CAPN10: variants seen among roughly 807,000 people sequenced by gnomAD.
CAPN10 encodes calpain 10.
In CAPN10, 71 loss-of-function variants were observed where a neutral mutation model predicts 78.4. The observed-to-expected ratio is 0.91, with a 90% confidence interval of 0.75 to 1.10. The LOEUF (loss-of-function observed/expected upper bound fraction) is 1.10. Among genes scored for constraint, CAPN10 ranks in the 50% least tolerant of loss-of-function variants. CAPN10 has a pLI of 0.00. For synonymous variants in CAPN10, 437 were observed against 407.2 expected, an observed-to-expected ratio of 1.07 and a Z score of -0.88; for missense variants, 849 against 924.6, an observed-to-expected ratio of 0.92 and a Z score of 1.06.
Position 240,599,063 on chromosome 2 carries a change from G to A in CAPN10, c.*383G>A. 1 of 281,058 alleles carries A rather than the reference G, an allele frequency of 3.6e-6. No individual in the cohort carries two copies. Among genetic ancestry groups the A allele is most frequent in the Non-Finnish European group, 6.8e-6 (1 of 148,058 alleles). 17.4% of individuals were successfully genotyped at this position (281,058 alleles called of 1,614,324 possible). ...CTATTTATTGTTCGAATCACTTTTAGGATGTAACTTTATAAATAAACATGA... is the reference window on the plus strand; with the variant it reads ...CTATTTATTGTTCGAATCACTTTTAAGATGTAACTTTATAAATAAACATGA... On this transcript the variant is annotated 3_prime_UTR_variant, in exon 12 of 12. Coordinates refer to ENST00000391984, the MANE Select transcript of CAPN10 (RefSeq NM_023083.4).
intron 1 of CAPN10, among the ~76,000 whole-genome samples, chr2:240,587,465 A>T (rs1013171814): frequency 6.6e-6 from 1 of 152,260 alleles, no homozygotes; most frequent in East Asian, 1.9e-4. Flanking sequence ...AAAGCGTGAT[A>T]GAATTTCAGT....
chr2:240,591,309 A>G, intron 3 of CAPN10: 1 of 356,642 alleles, frequency 2.8e-6, no homozygotes, highest in Non-Finnish European at 5.1e-6. Flanking sequence ...AGCAAGAAAG[A>G]TGCTTCTTTA....
At chr2:240,588,902 G>C (rs1193339896) in intron 1 of CAPN10, among the ~76,000 whole-genome samples, 1 of 152,138 alleles carries the variant, frequency 6.6e-6, no homozygotes, top group Non-Finnish European at 1.5e-5. Flanking sequence ...AAGCTCAGAG[G>C]GGTGGGCAAG....
chr2:240,594,531 G>C lies in CAPN10; in HGVS notation c.831-12G>C. On this transcript the variant is annotated splice_polypyrimidine_tract_variant and intron_variant, in intron 5 of 11. Transcript: ENST00000391984. ...TCGGGAGGGGCTTCTGCTGAGATGA[G>C]GTTTCTTCCAGGGGTGAAGGGTGGA... 1 of 1,609,294 alleles carries C rather than the reference G, an allele frequency of 6.2e-7. No individual in the cohort carries two copies.
At position 240,595,092 on chromosome 2, in the gene CAPN10, C is replaced by T. The variant is rs369150928; in HGVS notation, c.1066C>T (p.Arg356Trp). Residue 356 changes from arginine to tryptophan, a missense_variant, in exon 7 of 12, where the codon CGG becomes TGG. Physicochemically the swap from Arg to Trp is moderately radical, Grantham distance 101. Coordinates refer to ENST00000391984, the MANE Select transcript of CAPN10 (RefSeq NM_023083.4). The stretch of plus-strand genomic sequence containing the variant: ...CAAGGGCCAGTCAGCAGGAGGCTGC[C>T]GGAACAACAGCGGCTTTCCCAGCAA... ...WVKGQSAGGC[R>W]NNSGFPSNPK... 17 of 1,613,672 alleles carry T rather than the reference C, an allele frequency of 1.1e-5. No individual in the cohort carries two copies. The highest frequency in any genetic ancestry group is 9.3e-5 in the African/African-American group (7 of 74,930).
Position 240,587,054 on chromosome 2 carries a change from T to C in CAPN10, c.141+2T>C. The C allele has an allele frequency of 7.2e-7, 1 of 1,397,174 alleles. No homozygotes were observed. The highest frequency in any genetic ancestry group is 1.5e-5 in the South Asian group (1 of 65,392). 86.5% of individuals were successfully genotyped at this position (1,397,174 alleles called of 1,614,324 possible). A position where few individuals can be genotyped will look rare whatever the true frequency, so the allele number is the denominator to read the frequency against. ...GACATCACGTGGAGGCGGCCCCAGGTGGGGCCGTGTGGGGTGCGGTGGGCG... is the reference window on the plus strand; with the variant it reads ...GACATCACGTGGAGGCGGCCCCAGGCGGGGCCGTGTGGGGTGCGGTGGGCG... On this transcript the variant is annotated splice_donor_variant, in intron 1 of 11. Transcript: ENST00000391984. LOFTEE classifies it high-confidence loss of function.
chr2:240,597,292 C>T (rs773217621), intron 9 of CAPN10, among the ~76,000 whole-genome samples: 3 of 152,298 alleles, frequency 2.0e-5, no homozygotes, highest in East Asian at 1.9e-4. Context: ...GGCTTGGGAA[C>T]GCAGGGGGCT....
chr2:240,587,165 G>A, intron 1 of CAPN10, 113 bp downstream of exon 1: 1 of 541,470 alleles, frequency 1.8e-6, no homozygotes, highest in Non-Finnish European at 2.9e-6. Context: ...AGGGTCCGCC[G>A]TTGTTCTCCT....
intron 5 of CAPN10, 91 bp downstream of exon 5, chr2:240,594,138 T>C (rs1432349326): frequency 3.7e-6 from 5 of 1,337,944 alleles, no homozygotes; most frequent in Middle Eastern, 2.7e-4. Context: ...CTGTCAGGAC[T>C]GTACTTGGCT....
At position 240,596,459 on chromosome 2, in the gene CAPN10, C is replaced by G; in HGVS notation, c.1419C>G (p.Phe473Leu). The change falls in exon 8 of 12, where the codon TTC (phenylalanine) becomes TTG (leucine). Residue 473 changes from phenylalanine to leucine, a missense_variant. Physicochemically the swap from Phe to Leu is conservative, Grantham distance 22 (BLOSUM62 0). Coordinates refer to ENST00000391984, the MANE Select transcript of CAPN10 (RefSeq NM_023083.4). ...PGYYLAVPSTFLKDAPGEFLL... is the reference protein window; with the variant it reads ...PGYYLAVPSTLLKDAPGEFLL... Reference sequence around the variant, plus strand: ...ACTACCTGGCTGTCCCCAGCACCTTCCTGAAGGACGCGCCAGGGGAGTTCC... The same window carrying G: ...ACTACCTGGCTGTCCCCAGCACCTTGCTGAAGGACGCGCCAGGGGAGTTCC... 6.2e-7 allele frequency: 1 copy of G among 1,613,458 alleles called. No individual in the cohort carries two copies. The highest frequency in any genetic ancestry group is 8.5e-7 in the Non-Finnish European group (1 of 1,179,742).
Position 240,595,256 on chromosome 2 carries a change from G to T in CAPN10, c.1230G>T (p.Ala410=). Residue 410 remains alanine, a synonymous_variant, in exon 7 of 12, where the codon GCG becomes GCT. Coordinates refer to ENST00000391984, the MANE Select transcript of CAPN10 (RefSeq NM_023083.4). ...ACAGTCATACTTCGTGGAGCCCAGC[G>T]AGCATCCCGGGCAAGCACTACCAGG... ...VGDSHTSWSP[A]SIPGKHYQAV... 6.2e-7 allele frequency: 1 copy of T among 1,613,634 alleles called. No homozygotes were observed.
rs763690414 is a variant in CAPN10 at position 240,589,382 on chromosome 2, C to T, written c.181C>T (p.Arg61Trp). ...ACCCCGGCTGTTTCCAGATGACCCA[C>T]GGGAAGGGCAGGTGAAGCAGGGGCT... ...ATPRLFPDDP[R>W]EGQVKQGLLG... Residue 61 changes from arginine to tryptophan, a missense_variant, in exon 2 of 12, where the codon CGG (arginine) becomes TGG (tryptophan). Physicochemically the swap from Arg to Trp is moderately radical, Grantham distance 101 (BLOSUM62 -3). Coordinates refer to ENST00000391984, the MANE Select transcript of CAPN10 (RefSeq NM_023083.4). The T allele has an allele frequency of 1.2e-5, 20 of 1,614,036 alleles. No homozygotes were observed. The Admixed American group carries it at 1.5e-4, about 12-fold the overall frequency.
intron 4 of CAPN10, chr2:240,592,604 T>G (rs1575448125): frequency 2.4e-6 from 1 of 424,856 alleles, no homozygotes; most frequent in Non-Finnish European, 4.9e-6. Flanking sequence ...AGCCCAGGAG[T>G]TCAAGAGACC....
chr2:240,597,135 C>T (rs1005969638), intron 9 of CAPN10, among the ~76,000 whole-genome samples, 193 bp downstream of exon 9: 3 of 152,236 alleles, frequency 2.0e-5, no homozygotes, highest in Non-Finnish European at 4.4e-5. Flanking sequence ...CCGAAGATGG[C>T]CTCTGGAAGG....
rs201157354 is a variant in CAPN10, at chr2:240,596,862, C to T, written c.1663C>T (p.Arg555Cys). 3.7e-3 allele frequency: 6,030 copies of T among 1,613,580 alleles called. 20 individuals carry two copies. Among genetic ancestry groups the T allele is most frequent in the Non-Finnish European group, 4.4e-3 (5,158 of 1,180,008 alleles). Residue 555 changes from arginine (R) to cysteine (C), a missense_variant, in exon 9 of 12, where the codon CGC (arginine) becomes TGC (cysteine). Physicochemically the swap from Arg to Cys is radical, Grantham distance 180. Transcript: ENST00000391984. Reference sequence around the variant, plus strand: ...CTCGGTCCCCGAGGGCCCTGGCCCCCGCTGCGTCCGCATCACTCTGCATCA... The same window carrying T: ...CTCGGTCCCCGAGGGCCCTGGCCCCTGCTGCGTCCGCATCACTCTGCATCA... ...PFSVPEGPGP[R>C]CVRITLHQHC...
At chr2:240,590,598 A>G in intron 2 of CAPN10, 1 of 547,012 alleles carries the variant, frequency 1.8e-6, no homozygotes, top group Non-Finnish European at 3.3e-6. Flanking sequence ...GGTGTGCCGT[A>G]GAGTTCTCTG....
chr2:240,589,308 C>G (rs1262445075), intron 1 of CAPN10, 35 bp from the exon 2 acceptor site: 2 of 1,613,870 alleles, frequency 1.2e-6, no homozygotes, highest in Non-Finnish European at 1.7e-6. Context: ...CCACAGCAGG[C>G]ATGATCTAAC....
At position 240,598,922 on chromosome 2, in the gene CAPN10, C is replaced by T; in HGVS notation, c.*242C>T. 1 of 578,190 alleles carries T rather than the reference C, an allele frequency of 1.7e-6. No individual in the cohort carries two copies. The highest frequency in any genetic ancestry group is 3.1e-6 in the Non-Finnish European group (1 of 320,540). 35.8% of individuals were successfully genotyped at this position (578,190 alleles called of 1,614,324 possible). On this transcript the variant is annotated 3_prime_UTR_variant, in exon 12 of 12. Coordinates refer to ENST00000391984, the MANE Select transcript of CAPN10 (RefSeq NM_023083.4). ...AAGCTTGCTGGCTTCTGTTGCGCCA[C>T]TGAGACGGCAGAGACCCCAGGATCC...
chr2:240,589,957 G>A (rs1004250831), intron 2 of CAPN10: 6 of 157,746 alleles, frequency 3.8e-5, no homozygotes, highest in Non-Finnish European at 8.4e-5. Context: ...CCTTACCTGG[G>A]AGTGTTCACC....
Sources: gnomAD v4.1 joint callset for allele counts (sites outside exome capture counted in the v4.1 genomes callset) on GRCh38, gnomAD v4.1.1 for gene constraint, MANE v1.5 for transcripts, NCBI Gene and HGNC (gene_info 2026-07-23, HGNC 2026-07-21) for gene names.